The following LOC128462377 variants were observed in gnomAD, a reference collection of about 807,000 sequenced individuals.
the LOC128462377 span, chr16:89,323,303 C>T: frequency 7.8e-7 from 1 of 1,288,862 alleles, no homozygotes. Context: ...AGTGACACAC[C>T]CTATGACCCA....
the LOC128462377 span, among the ~76,000 whole-genome samples, chr16:89,318,314 G>A: frequency 2.0e-5 from 3 of 152,164 alleles, no homozygotes; most frequent in African/African-American, 7.2e-5. Flanking sequence ...GTGCACTCAC[G>A]AGAGGAATGG....
chr16:89,352,415 C>T, the LOC128462377 span, among the ~76,000 whole-genome samples: 1 of 151,478 alleles, frequency 6.6e-6, no homozygotes, highest in African/African-American at 2.4e-5. Context: ...GTGACGCCCT[C>T]CTGCTCTCAG....
the LOC128462377 span, among the ~76,000 whole-genome samples, chr16:89,379,433 A>ACCCT: frequency 6.6e-6 from 1 of 152,188 alleles, no homozygotes; most frequent in African/African-American, 2.4e-5. Flanking sequence ...CCTGCTCCAC[A>ACCCT]CCCTGTCAGG....
At chr16:89,352,341 C>G in the LOC128462377 span, among the ~76,000 whole-genome samples, 1 of 151,812 alleles carries the variant, frequency 6.6e-6, no homozygotes, top group Middle Eastern at 3.4e-3. Context: ...AGTCAAGAAG[C>G]CAGGGGTCTA....
the LOC128462377 span, among the ~76,000 whole-genome samples, chr16:89,349,812 C>G: frequency 6.6e-6 from 1 of 151,136 alleles, no homozygotes; most frequent in Non-Finnish European, 1.5e-5. Context: ...ACTTTAGCTG[C>G]TCTAAAGACA....
At chr16:89,360,673 A>C in the LOC128462377 span, 1 of 152,200 alleles carries the variant, frequency 6.6e-6, no homozygotes, top group African/African-American at 2.4e-5. Flanking sequence ...GTCGATGGTC[A>C]ACACTAGGCA....
At chr16:89,406,855 G>A in the LOC128462377 span, among the ~76,000 whole-genome samples, 3 of 152,184 alleles carry the variant, frequency 2.0e-5, no homozygotes, top group Non-Finnish European at 4.4e-5. Context: ...AGGGGAAAAG[G>A]AAAAGGGAAC....
the LOC128462377 span, among the ~76,000 whole-genome samples, chr16:89,369,138 C>T: frequency 6.6e-6 from 1 of 152,140 alleles, no homozygotes; most frequent in Non-Finnish European, 1.5e-5. Context: ...AAAGGACCAA[C>T]CACACCAGAT....
the LOC128462377 span, among the ~76,000 whole-genome samples, chr16:89,346,239 C>A: frequency 1.4e-5 from 2 of 144,554 alleles, no homozygotes; most frequent in South Asian, 2.2e-4. Flanking sequence ...CAGAGGGAGA[C>A]CCCGTCTCAG....
chr16:89,358,827 T>G, the LOC128462377 span, among the ~76,000 whole-genome samples: 9 of 151,910 alleles, frequency 5.9e-5, no homozygotes, highest in African/African-American at 1.9e-4. Flanking sequence ...GTTTTTTGCC[T>G]GTAGGTTTTT....
At chr16:89,358,948 C>T in the LOC128462377 span, among the ~76,000 whole-genome samples, 2 of 152,250 alleles carry the variant, frequency 1.3e-5, no homozygotes, top group East Asian at 1.9e-4. Context: ...ACTTCAGCCT[C>T]CAGAGCAGCT....
chr16:89,344,587 A>AG, the LOC128462377 span, among the ~76,000 whole-genome samples: 1 of 150,988 alleles, frequency 6.6e-6, no homozygotes, highest in Non-Finnish European at 1.5e-5. Context: ...CTGAGGGATA[A>AG]GCCCACAATG....
At chr16:89,393,546 G>T in the LOC128462377 span, among the ~76,000 whole-genome samples, 1 of 127,630 alleles carries the variant, frequency 7.8e-6, no homozygotes, top group African/African-American at 3.0e-5. Context: ...TCACCATGTT[G>T]CCCAGGCTGG....
chr16:89,339,159 T>A, the LOC128462377 span, among the ~76,000 whole-genome samples: 4 of 152,150 alleles, frequency 2.6e-5, no homozygotes, highest in Non-Finnish European at 5.9e-5. Flanking sequence ...AGAATCCATA[T>A]CCCATCTAGA....
the LOC128462377 span, among the ~76,000 whole-genome samples, chr16:89,385,915 A>T: frequency 6.6e-6 from 1 of 152,192 alleles, no homozygotes; most frequent in Non-Finnish European, 1.5e-5. Flanking sequence ...CCCCACTCCC[A>T]GGAGGTCACC....
chr16:89,413,753 CAG>C, the LOC128462377 span, among the ~76,000 whole-genome samples: 1 of 152,202 alleles, frequency 6.6e-6, no homozygotes, highest in Non-Finnish European at 1.5e-5. Context: ...CGGCAGGACA[CAG>C]AAACAGCCGA....
the LOC128462377 span, chr16:89,361,693 T>C: frequency 6.6e-6 from 1 of 151,968 alleles, no homozygotes; most frequent in Non-Finnish European, 1.5e-5. Context: ...GAAACACCAA[T>C]CAGTAGAAGA....
chr16:89,347,835 T>C, the LOC128462377 span, among the ~76,000 whole-genome samples: 1 of 152,192 alleles, frequency 6.6e-6, no homozygotes, highest in African/African-American at 2.4e-5. Context: ...GTAAGAATGG[T>C]GTCAGTCAGT....
chr16:89,363,166 C>T, the LOC128462377 span, among the ~76,000 whole-genome samples: 1 of 152,016 alleles, frequency 6.6e-6, no homozygotes, highest in East Asian at 1.9e-4. Context: ...ACGCCTATCC[C>T]TGTTAAAAAA....
Sources: gnomAD v4.1 joint callset for allele counts (sites outside exome capture counted in the v4.1 genomes callset) on GRCh38, gnomAD v4.1.1 for gene constraint, MANE v1.5 for transcripts.